The following UNC5D variants were observed in gnomAD, a reference collection of about 807,000 sequenced individuals.
The protein encoded by UNC5D is netrin receptor UNC5D.
A neutral mutation model predicts 105.4 loss-of-function variants in UNC5D; 39 were observed. The observed-to-expected ratio is 0.37, with a 90% confidence interval of 0.29 to 0.48. The LOEUF is 0.48. UNC5D is among the 20% of genes least tolerant of loss of function. The pLI, the probability that UNC5D is intolerant of heterozygous loss-of-function variation, is 0.98. For synonymous variants in UNC5D, 452 were observed against 450.4 expected (o/e 1.00, Z -0.04); for missense variants, 991 against 1,202.4 (o/e 0.82, Z 2.60).
rs773938763 is a variant in UNC5D, at chr8:35,766,968, C to T, written c.2380C>T (p.Arg794Cys). The T allele has an allele frequency of 3.7e-6, 6 of 1,613,908 alleles. No individual in the cohort carries two copies. Among genetic ancestry groups the T allele is most frequent in the Non-Finnish European group, 5.1e-6 (6 of 1,179,964 alleles). The change falls in exon 15 of 17, where the codon CGT becomes TGT. Residue 794 changes from arginine (R) to cysteine (C), a missense_variant. Coordinates refer to ENST00000404895, the MANE Select transcript of UNC5D (RefSeq NM_080872.4). ...CCTGCACTGTGCCTTCTCCCTGGAG[C>T]GTTATACGCCCACTACCACCCAGCT... The part of the protein sequence containing the change: ...QPLHCAFSLE[R>C]YTPTTTQLSC...
chr8:35,311,344 A>T (rs936257327), intron 1 of UNC5D, among the ~76,000 whole-genome samples: 1 of 152,090 alleles, frequency 6.6e-6, no homozygotes, highest in Non-Finnish European at 1.5e-5. Flanking sequence ...GAGCGATGTG[A>T]TCTCTGGATT....
At chr8:35,673,366 G>C (rs1194872508) in intron 4 of UNC5D, among the ~76,000 whole-genome samples, 1 of 152,204 alleles carries the variant, frequency 6.6e-6, no homozygotes, top group African/African-American at 2.4e-5. Flanking sequence ...CTGTGCAATG[G>C]TTCAGTCCCT....
At chr8:35,296,406 A>G (rs578083899) in intron 1 of UNC5D, among the ~76,000 whole-genome samples, 1 of 152,080 alleles carries the variant, frequency 6.6e-6, no homozygotes, top group African/African-American at 2.4e-5. Context: ...TTCTCCCATG[A>G]GTAGTTGTGT....
At chr8:35,619,031 AATT>A (rs1821193054) in intron 4 of UNC5D, among the ~76,000 whole-genome samples, 3 of 152,328 alleles carry the variant, frequency 2.0e-5, no homozygotes, top group Middle Eastern at 6.8e-3. Context: ...TACAGATTTC[AATT>A]TATTTAATAA....
chr8:35,604,738 C>T (rs12114974), intron 4 of UNC5D, among the ~76,000 whole-genome samples: 28,701 of 152,006 alleles, frequency 0.19, 6,229 homozygotes, highest in African/African-American at 0.54. Context: ...AGGCTTTGTT[C>T]GTTTCTTTTT....
chr8:35,573,916 A>AAAAT (rs1272217704), intron 3 of UNC5D, among the ~76,000 whole-genome samples: 1 of 152,320 alleles, frequency 6.6e-6, no homozygotes, highest in Admixed American at 6.5e-5. Context: ...TATAAAGGTA[A>AAAAT]AAATAAATAA....
At chr8:35,329,769 C>T (rs150740810) in intron 1 of UNC5D, among the ~76,000 whole-genome samples, 203 of 152,296 alleles carry the variant, frequency 1.3e-3, no homozygotes, top group Non-Finnish European at 2.5e-3. Context: ...CCCTTCCTTG[C>T]CCTTACCTCT....
chr8:35,670,202 A>G (rs941413401), intron 4 of UNC5D, among the ~76,000 whole-genome samples: 2 of 152,166 alleles, frequency 1.3e-5, no homozygotes, highest in African/African-American at 2.4e-5. Context: ...ATACAGATCA[A>G]TGTGCACTGG....
chr8:35,599,972 T>G (rs1230475635), intron 4 of UNC5D, among the ~76,000 whole-genome samples: 1 of 151,828 alleles, frequency 6.6e-6, no homozygotes, highest in East Asian at 1.9e-4. Context: ...CCCACAACAG[T>G]CCCTGGTGTG....
intron 1 of UNC5D, among the ~76,000 whole-genome samples, chr8:35,518,667 T>C (rs575070931): frequency 5.3e-5 from 8 of 152,294 alleles, no homozygotes; most frequent in Admixed American, 2.6e-4. Flanking sequence ...CATGTTCTGA[T>C]AGAAATTTCT....
chr8:35,344,414 T>C (rs1811664410), intron 1 of UNC5D, among the ~76,000 whole-genome samples: 2 of 152,046 alleles, frequency 1.3e-5, no homozygotes, highest in Non-Finnish European at 2.9e-5. Context: ...TTCACCTGCA[T>C]TGGCTCAGGT....
intron 4 of UNC5D, among the ~76,000 whole-genome samples, chr8:35,610,996 A>G (rs1820639654): frequency 7.1e-6 from 1 of 141,524 alleles, no homozygotes; most frequent in Admixed American, 7.3e-5. Context: ...TAGGTTTGCT[A>G]TGAGACAAAG....
intron 13 of UNC5D, among the ~76,000 whole-genome samples, chr8:35,754,418 A>G (rs1454775516): frequency 6.6e-6 from 1 of 152,216 alleles, no homozygotes; most frequent in Non-Finnish European, 1.5e-5. Context: ...AAGAATGATA[A>G]CAGATATGTG....
rs754731932 is a variant in UNC5D at position 35,470,069 on chromosome 8, T to A, written c.104-79223T>A. On this transcript the variant is annotated intron_variant, in intron 1 of 16. Transcript: ENST00000404895. Reference sequence around the variant, plus strand: ...TTTTAATTTTGATTTTGAATGACTTTCCAGCTGAATATTAAGTAGAATTAT... The same window carrying A: ...TTTTAATTTTGATTTTGAATGACTTACCAGCTGAATATTAAGTAGAATTAT... Among the ~76,000 whole-genome samples the A allele has an allele frequency of 1.2e-4, 18 of 152,340 alleles. No homozygotes were observed. The Middle Eastern group carries it at 0.01, about 86-fold the overall frequency.
At chr8:35,705,094 A>G (rs780420818) in intron 7 of UNC5D, among the ~76,000 whole-genome samples, 14 of 150,468 alleles carry the variant, frequency 9.3e-5, no homozygotes, top group Non-Finnish European at 2.1e-4. Flanking sequence ...CCTCCCGCGT[A>G]GCTGGGACTA....
Position 35,605,490 on chromosome 8 carries a change from C to T in UNC5D, c.570+9833C>T, listed in dbSNP as rs564798529. ...CCTCTCAGTTAGGCTACTTGGCGGT[C>T]AGGGACCCACTTGAGGAGGCAGTCT... On this transcript the variant is annotated intron_variant, in intron 4 of 16. Transcript: ENST00000404895. 3.2e-4 allele frequency among the ~76,000 whole-genome samples: 48 copies of T among 152,314 alleles called. 1 individual carries two copies. In the Middle Eastern group the frequency reaches 0.014, roughly 43 times the overall value.
intron 1 of UNC5D, among the ~76,000 whole-genome samples, chr8:35,251,042 G>A (rs1016923423): frequency 6.6e-6 from 1 of 152,160 alleles, no homozygotes; most frequent in African/African-American, 2.4e-5. Flanking sequence ...GTTATTTGAA[G>A]ATTCCTATAA....
chr8:35,480,859 G>T (rs998003783), intron 1 of UNC5D, among the ~76,000 whole-genome samples: 7 of 152,184 alleles, frequency 4.6e-5, no homozygotes, highest in Non-Finnish European at 8.8e-5. Context: ...CCTTCACTGA[G>T]ATGAGGAAGA....
At chr8:35,536,927 C>T (rs113904629) in intron 1 of UNC5D, among the ~76,000 whole-genome samples, 3 of 152,096 alleles carry the variant, frequency 2.0e-5, no homozygotes, top group East Asian at 1.9e-4. Flanking sequence ...ACAGGGGAGG[C>T]GAAGGTTGCA....
Sources: allele counts gnomAD v4.1 joint callset (sites outside exome capture counted in the v4.1 genomes callset), GRCh38; gene constraint gnomAD v4.1.1; transcripts MANE v1.5; gene names NCBI Gene and HGNC (gene_info 2026-07-23, HGNC 2026-07-21).